Variants in ADGRL3 observed in about 807,000 individuals in gnomAD.
ADGRL3 encodes adhesion G protein-coupled receptor L3.
Under a neutral mutation model 153.5 loss-of-function variants are expected in ADGRL3, and 62 were observed. The ratio of observed to expected loss-of-function variants is 0.40; its 90% CI spans 0.33 to 0.50. ADGRL3 has a LOEUF of 0.50. Ranked by LOEUF, ADGRL3 falls within the 20% of genes least tolerant of loss-of-function variation. ADGRL3 has a pLI of 0.47. For synonymous variants in ADGRL3, 710 were observed against 672.5 expected (o/e 1.06, Z -0.86); for missense variants, 1,641 against 1,859.4 (o/e 0.88, Z 2.16).
At chr4:61,213,571 G>T (rs1418368680) in intron 1 of ADGRL3, among the ~76,000 whole-genome samples, 1 of 152,070 alleles carries the variant, frequency 6.6e-6, no homozygotes, top group Non-Finnish European at 1.5e-5. Flanking sequence ...ATACCACTGT[G>T]TTCACAGAGA....
At chr4:61,705,067 A>C (rs552331006) in intron 6 of ADGRL3, among the ~76,000 whole-genome samples, 1 of 152,336 alleles carries the variant, frequency 6.6e-6, no homozygotes, top group African/African-American at 2.4e-5. Context: ...GTTGAGATTT[A>C]AATCTCCTCC....
At chr4:61,769,474 C>G (rs1346613692) in intron 8 of ADGRL3, among the ~76,000 whole-genome samples, 2 of 113,300 alleles carry the variant, frequency 1.8e-5, no homozygotes, top group Non-Finnish European at 3.5e-5. Context: ...TCTCACGGAG[C>G]AAAGAGCAGG....
At chr4:62,016,914 G>A (rs2099214762) in intron 21 of ADGRL3, among the ~76,000 whole-genome samples, 1 of 151,750 alleles carries the variant, frequency 6.6e-6, no homozygotes, top group African/African-American at 2.4e-5. Context: ...TCTTTGCTGG[G>A]TTAATTTGTA....
chr4:61,362,640 T>G (rs965471573), intron 1 of ADGRL3, among the ~76,000 whole-genome samples: 1 of 152,080 alleles, frequency 6.6e-6, no homozygotes, highest in Admixed American at 6.6e-5. Flanking sequence ...AATGTACTGA[T>G]TATTAACTGG....
intron 4 of ADGRL3, among the ~76,000 whole-genome samples, chr4:61,559,170 T>A (rs1365438598): frequency 1.3e-5 from 2 of 152,064 alleles, no homozygotes; most frequent in Non-Finnish European, 1.5e-5. Context: ...GTTTAGCCCA[T>A]AATAAGCACC....
At chr4:61,683,247 G>A (rs1172133918) in intron 6 of ADGRL3, among the ~76,000 whole-genome samples, 3 of 151,882 alleles carry the variant, frequency 2.0e-5, no homozygotes, top group Non-Finnish European at 2.9e-5. Context: ...AGAGTAGCTA[G>A]GACTGTAGGC....
intron 4 of ADGRL3, among the ~76,000 whole-genome samples, chr4:61,541,346 A>ATTTTT (rs3075146): frequency 5.8e-5 from 6 of 103,318 alleles, no homozygotes; most frequent in Non-Finnish European, 9.2e-5. Flanking sequence ...TCTGGTAGAG[A>ATTTTT]TTTTTTTTTT....
At chr4:61,834,699 TG>T (rs2097913480) in intron 9 of ADGRL3, among the ~76,000 whole-genome samples, 1 of 152,176 alleles carries the variant, frequency 6.6e-6, no homozygotes, top group South Asian at 2.1e-4. Flanking sequence ...ACTTTGTACC[TG>T]GCTGAGCAAA....
intron 1 of ADGRL3, among the ~76,000 whole-genome samples, chr4:61,292,980 G>T (rs1024954711): frequency 9.2e-5 from 14 of 152,132 alleles, no homozygotes; most frequent in Non-Finnish European, 1.9e-4. Flanking sequence ...CATAAAAAGG[G>T]ATTTCACAGA....
chr4:61,483,498 G>A (rs559543250), intron 2 of ADGRL3, among the ~76,000 whole-genome samples: 206 of 152,284 alleles, frequency 1.4e-3, no homozygotes, highest in African/African-American at 4.6e-3. Context: ...AGCATTTTGG[G>A]AGGCTGAGGT....
chr4:61,585,095 C>G (rs1389120010), intron 4 of ADGRL3, among the ~76,000 whole-genome samples: 1 of 151,868 alleles, frequency 6.6e-6, no homozygotes, highest in African/African-American at 2.4e-5. Context: ...TAACTCTCTT[C>G]AATCAATGCT....
intron 6 of ADGRL3, among the ~76,000 whole-genome samples, chr4:61,694,732 T>C (rs1464568907): frequency 6.6e-6 from 1 of 152,196 alleles, no homozygotes; most frequent in Non-Finnish European, 1.5e-5. Context: ...AAAGATTTAT[T>C]TGTAGCATGC....
chr4:61,369,001 G>A (rs1263502818), intron 1 of ADGRL3, among the ~76,000 whole-genome samples: 1 of 152,126 alleles, frequency 6.6e-6, no homozygotes. Flanking sequence ...ATTGTGAATG[G>A]GAGTTCACTC....
chr4:61,287,028 C>T lies in ADGRL3; in HGVS notation c.-240+85263C>T, dbSNP rs1377350437. Among the ~76,000 whole-genome samples the T allele has an allele frequency of 3.3e-5, 5 of 151,702 alleles. No individual in the cohort carries two copies. The East Asian group carries it at 7.7e-4, about 23-fold the overall frequency. On this transcript the variant is annotated intron_variant, in intron 1 of 26. Coordinates refer to ENST00000683033, the MANE Select transcript of ADGRL3 (RefSeq NM_001387552.1). ...AAACAGTATCCAGCTTTCACTGACTCATGTTTAATGATTAACATCACCAAT... is the reference window on the plus strand; with the variant it reads ...AAACAGTATCCAGCTTTCACTGACTTATGTTTAATGATTAACATCACCAAT...
intron 1 of ADGRL3, among the ~76,000 whole-genome samples, chr4:61,340,101 A>G (rs2095774978): frequency 6.6e-6 from 1 of 152,140 alleles, no homozygotes; most frequent in Non-Finnish European, 1.5e-5. Context: ...AGGATGCAGC[A>G]CTTTATTTTG....
intron 6 of ADGRL3, among the ~76,000 whole-genome samples, chr4:61,684,970 T>C (rs193131192): frequency 1.3e-5 from 2 of 152,066 alleles, no homozygotes; most frequent in Admixed American, 6.6e-5. Context: ...TGGAGTACAG[T>C]GGCACAATCA....
intron 2 of ADGRL3, among the ~76,000 whole-genome samples, chr4:61,421,180 A>G (rs2097202448): frequency 6.6e-6 from 1 of 152,148 alleles, no homozygotes; most frequent in Non-Finnish European, 1.5e-5. Context: ...TAAAAATACA[A>G]AAAATTAGCT....
intron 2 of ADGRL3, among the ~76,000 whole-genome samples, chr4:61,432,625 TC>T (rs1560623108): frequency 1.2e-4 from 10 of 84,272 alleles, no homozygotes; most frequent in Admixed American, 2.6e-4. Flanking sequence ...TTTCTTTCTT[TC>T]TTTCTTTCTT....
chr4:61,802,670 G>T (rs2097512236), intron 8 of ADGRL3, among the ~76,000 whole-genome samples: 1 of 152,044 alleles, frequency 6.6e-6, no homozygotes, highest in Non-Finnish European at 1.5e-5. Flanking sequence ...GATTTTAGAG[G>T]TACTGGAGAG....
Sources: allele counts gnomAD v4.1 joint callset (sites outside exome capture counted in the v4.1 genomes callset), GRCh38; gene constraint gnomAD v4.1.1; transcripts MANE v1.5; gene names NCBI Gene and HGNC (gene_info 2026-07-23, HGNC 2026-07-21).